Variants in FLNB observed in about 807,000 individuals in gnomAD.
FLNB encodes the protein filamin B.
FLNB carries 111 observed loss-of-function variants against 250.6 expected under a neutral mutation model. That is an observed-to-expected ratio of 0.44 (90% CI 0.38 to 0.52). The LOEUF is 0.52. Ranked by LOEUF, FLNB falls within the 20% of genes least tolerant of loss-of-function variation. FLNB has a pLI of 0.00. For synonymous variants in FLNB, 1,302 were observed against 1,372.1 expected (o/e 0.95, Z 1.13); for missense variants, 2,869 against 3,447.8 (o/e 0.83, Z 4.20).
At chr3:58,019,329 C>CT (rs1381903113) in intron 1 of FLNB, among the ~76,000 whole-genome samples, 1 of 152,160 alleles carries the variant, frequency 6.6e-6, no homozygotes, top group Non-Finnish European at 1.5e-5. Context: ...CCCTCTTTTG[C>CT]TTTTAAAAAC....
intron 4 of FLNB, among the ~76,000 whole-genome samples, chr3:58,086,157 A>C (rs1576691475): frequency 9.3e-6 from 1 of 107,182 alleles, no homozygotes; most frequent in African/African-American, 4.3e-5. Context: ...CACCATGTCC[A>C]GCTTTTTTTT....
chr3:58,059,510 G>A (rs998887746), intron 1 of FLNB, among the ~76,000 whole-genome samples: 7 of 152,164 alleles, frequency 4.6e-5, no homozygotes, highest in Admixed American at 6.5e-5. Flanking sequence ...TCTGACTAAG[G>A]TGCAGACTGT....
chr3:58,060,768 TCAAAAAAAAAA>T (rs2097177004), intron 1 of FLNB, among the ~76,000 whole-genome samples: 1 of 24,766 alleles, frequency 4.0e-5, no homozygotes, highest in African/African-American at 2.1e-4. Flanking sequence ...AGACCTTGTC[TCAAAAAAAAAA>T]AAAAAAAAAA....
chr3:58,079,400 G>A (rs28435727), intron 3 of FLNB, among the ~76,000 whole-genome samples: 14 of 151,910 alleles, frequency 9.2e-5, no homozygotes, highest in African/African-American at 2.9e-4. Flanking sequence ...TTATAGGTGC[G>A]CACCACCACA....
intron 29 of FLNB, among the ~76,000 whole-genome samples, chr3:58,141,624 T>A (rs963506930): frequency 2.0e-5 from 3 of 152,168 alleles, no homozygotes; most frequent in Non-Finnish European, 4.4e-5. Flanking sequence ...TCCCGCCAGC[T>A]TAGGTCTGCG....
intron 16 of FLNB, among the ~76,000 whole-genome samples, chr3:58,111,041 A>C (rs1158879902): frequency 6.6e-6 from 1 of 152,254 alleles, no homozygotes; most frequent in Non-Finnish European, 1.5e-5. Context: ...AGGGGTCTGG[A>C]GAGAGACTAG....
At chr3:58,019,528 C>T (rs2097110661) in intron 1 of FLNB, among the ~76,000 whole-genome samples, 1 of 152,224 alleles carries the variant, frequency 6.6e-6, no homozygotes, top group Non-Finnish European at 1.5e-5. Context: ...AGCTCTGCCT[C>T]ACTTTACAGG....
intron 31 of FLNB, among the ~76,000 whole-genome samples, 173 bp from the exon 32 acceptor site, chr3:58,143,300 A>G (rs1331661996): frequency 6.6e-6 from 1 of 152,150 alleles, no homozygotes; most frequent in African/African-American, 2.4e-5. Flanking sequence ...CTGGAAAAAA[A>G]AAAAAGAAAA....
At position 58,123,620 on chromosome 3, in the gene FLNB, C is replaced by T; in HGVS notation, c.3654C>T (p.Ala1218=). 1 of 1,612,758 alleles carries T rather than the reference C, an allele frequency of 6.2e-7. No homozygotes were observed. The highest frequency in any genetic ancestry group is 8.5e-7 in the Non-Finnish European group (1 of 1,179,912). ...YGGELVPHFP[A]RVKVEPAVDT... is the part of the protein sequence containing the mutation. ...GCGAACTCGTGCCACACTTCCCCGC[C>T]CGGGTCAAGGTGGAGCCCGCCGTGG... Residue 1218 remains alanine (A), a synonymous_variant, in exon 21 of 46, where the codon GCC becomes GCT. Coordinates refer to ENST00000295956, the MANE Select transcript of FLNB (RefSeq NM_001457.4).
At chr3:58,166,108 T>C (rs914175915) in intron 43 of FLNB, 1 of 152,174 alleles carries the variant, frequency 6.6e-6, no homozygotes, top group Non-Finnish European at 1.5e-5. Context: ...GTGCCTCTGC[T>C]TCCTTTCCTG....
In FLNB at chr3:58,157,329, T is replaced by C. The variant is rs1409006686; in HGVS notation, c.6888+1254T>C. Among the ~76,000 whole-genome samples, 3 of 152,202 alleles carry C rather than the reference T, an allele frequency of 2.0e-5. No individual in the cohort carries two copies. In the South Asian group the frequency reaches 6.2e-4, roughly 32 times the overall value. ...GCCCCCAGTTCTTGAAAATATTGGA[T>C]TCATTAAAATCCAATCTGATGTCTA... is the stretch of plus-strand genomic sequence containing the variant. On this transcript the variant is annotated intron_variant, in intron 41 of 45. Transcript: ENST00000295956.
At chr3:58,131,830 T>A in intron 25 of FLNB, 1 of 811,698 alleles carries the variant, frequency 1.2e-6, no homozygotes, top group East Asian at 2.7e-5. Context: ...CCTGTGTATG[T>A]GTGAATGAGA....
rs1054974871 is a variant in FLNB, at chr3:58,168,889, A to G, written c.7417+231A>G. 5.0e-5 allele frequency: 28 copies of G among 557,462 alleles called. No individual in the cohort carries two copies. The East Asian group carries it at 6.1e-4, about 12-fold the overall frequency. 34.5% of individuals were successfully genotyped at this position (557,462 alleles called of 1,614,324 possible). A position where few individuals can be genotyped will look rare whatever the true frequency, so the allele number is the denominator to read the frequency against. ...ATGTTAGGATGTTAGGTGGTTTTCT[A>G]TCTCTAACAGGAAAGAATACATATT... On this transcript the variant is annotated intron_variant, in intron 44 of 45. Coordinates refer to ENST00000295956, the MANE Select transcript of FLNB (RefSeq NM_001457.4).
chr3:58,126,050 C>T (rs183890263), intron 23 of FLNB, among the ~76,000 whole-genome samples: 4 of 152,302 alleles, frequency 2.6e-5, no homozygotes, highest in South Asian at 4.1e-4. Flanking sequence ...CATATGCCTG[C>T]GTTGTACTTG....
chr3:58,065,828 G>A (rs2097184753), intron 1 of FLNB, among the ~76,000 whole-genome samples: 1 of 152,210 alleles, frequency 6.6e-6, no homozygotes, highest in Non-Finnish European at 1.5e-5. Flanking sequence ...ATGACAAACT[G>A]AGCTGGAGTC....
chr3:58,074,144 G>A (rs1358614591), intron 1 of FLNB, among the ~76,000 whole-genome samples: 1 of 152,202 alleles, frequency 6.6e-6, no homozygotes, highest in Non-Finnish European at 1.5e-5. Flanking sequence ...AATATGGAAT[G>A]ATCAGAATTA....
At chr3:58,069,340 A>G (rs2097190824) in intron 1 of FLNB, among the ~76,000 whole-genome samples, 1 of 149,340 alleles carries the variant, frequency 6.7e-6, no homozygotes, top group Non-Finnish European at 1.5e-5. Context: ...CCCAGGTTCA[A>G]GTGATTCTTG....
intron 34 of FLNB, among the ~76,000 whole-genome samples, chr3:58,147,208 T>G (rs774472035): frequency 6.6e-5 from 10 of 152,238 alleles, no homozygotes; most frequent in Non-Finnish European, 1.5e-4. Flanking sequence ...AGCTAGTATT[T>G]GGAGCACACT....
intron 1 of FLNB, among the ~76,000 whole-genome samples, chr3:58,075,400 C>A (rs2097200296): frequency 6.6e-6 from 1 of 152,104 alleles, no homozygotes; most frequent in Non-Finnish European, 1.5e-5. Context: ...GGGTGAAGGT[C>A]TTCCCATCAA....
Sources: allele counts gnomAD v4.1 joint callset (sites outside exome capture counted in the v4.1 genomes callset), GRCh38; gene constraint gnomAD v4.1.1; transcripts MANE v1.5; gene names NCBI Gene and HGNC (gene_info 2026-07-23, HGNC 2026-07-21).